Variants in XPNPEP1 observed in about 807,000 individuals in gnomAD.
XPNPEP1 encodes the protein xaa-Pro aminopeptidase 1.
A neutral mutation model predicts 92.4 loss-of-function variants in XPNPEP1; 39 were observed. The ratio of observed to expected loss-of-function variants is 0.42; its 90% CI spans 0.33 to 0.55. The LOEUF (loss-of-function observed/expected upper bound fraction) is 0.55. XPNPEP1 is among the 20% of genes least tolerant of loss of function. XPNPEP1 has a pLI of 0.08. For synonymous variants in XPNPEP1, 307 were observed against 299.4 expected (o/e 1.03, Z -0.26); for missense variants, 654 against 856.1 (o/e 0.76, Z 2.95).
chr10:109,878,167 C>G, intron 12 of XPNPEP1, 109 bp from the exon 13 acceptor site: 1 of 1,211,450 alleles, frequency 8.3e-7, no homozygotes, highest in Middle Eastern at 1.9e-4. Flanking sequence ...TGCTTCATCC[C>G]AACTGACCAA....
rs373635459 is a variant in XPNPEP1, at chr10:109,868,723, A to C, written c.1774-11T>G. The C allele has an allele frequency of 1.4e-5, 22 of 1,610,110 alleles. No homozygotes were observed. The East Asian group carries it at 4.7e-4, about 34-fold the overall frequency. ...GTTATTAAAATTATACTGCGGGAGA[A>C]AGAAGAAAACAGATGCTTTTACTCC... On this transcript the variant is annotated splice_polypyrimidine_tract_variant and intron_variant, in intron 19 of 20. Transcript: ENST00000502935.
intron 14 of XPNPEP1, 93 bp downstream of exon 14, chr10:109,877,697 A>C: frequency 7.0e-7 from 1 of 1,436,706 alleles, no homozygotes; most frequent in Non-Finnish European, 9.8e-7. Context: ...GAAGGTGGGC[A>C]CAGAGGCCTC....
chr10:109,920,839 C>A (rs1198756781), intron 1 of XPNPEP1, among the ~76,000 whole-genome samples: 1 of 152,104 alleles, frequency 6.6e-6, no homozygotes, highest in African/African-American at 2.4e-5. Flanking sequence ...AGCCACCGTG[C>A]CTAGCCAAGG....
chr10:109,910,083 G>C (rs888736673), intron 2 of XPNPEP1, among the ~76,000 whole-genome samples: 2 of 152,158 alleles, frequency 1.3e-5, no homozygotes, highest in Non-Finnish European at 2.9e-5. Context: ...TCACTGCCCT[G>C]AAAATTCTAT....
chr10:109,880,222 G>A lies in XPNPEP1; in HGVS notation c.1148C>T (p.Ala383Val). The A allele has an allele frequency of 6.2e-7, 1 of 1,613,984 alleles. No homozygotes were observed. Among genetic ancestry groups the A allele is most frequent in the South Asian group, 1.1e-5 (1 of 91,084 alleles). Residue 383 changes from alanine (A) to valine (V), a missense_variant, in exon 12 of 21, where the codon GCT (alanine) becomes GTT (valine). Ala to Val is a moderately conservative substitution (Grantham distance 64, BLOSUM62 0). Coordinates refer to ENST00000502935, the MANE Select transcript of XPNPEP1 (RefSeq NM_020383.4). ...CAGCCAGTTAAAGAGTTCACAGAGA[G>A]CAACAGCATCTTTAATCTGTGCAAA... The part of the protein sequence containing the change: ...MRRAHIKDAV[A>V]LCELFNWLEK...
chr10:109,914,733 T>C (rs1589634858), intron 2 of XPNPEP1, among the ~76,000 whole-genome samples: 1 of 147,694 alleles, frequency 6.8e-6, no homozygotes, highest in African/African-American at 2.5e-5. Flanking sequence ...GAGACGGAGG[T>C]TGCAGTGAGC....
intron 1 of XPNPEP1, among the ~76,000 whole-genome samples, chr10:109,920,280 G>T (rs1850467644): frequency 6.6e-6 from 1 of 152,130 alleles, no homozygotes. Flanking sequence ...TGAAGAAAAT[G>T]TTCTAAAATG....
At chr10:109,916,898 G>A (rs1270869403) in intron 1 of XPNPEP1, among the ~76,000 whole-genome samples, 2 of 152,048 alleles carry the variant, frequency 1.3e-5, no homozygotes, top group East Asian at 1.9e-4. Flanking sequence ...CTCAACAAAC[G>A]CAGAAAAAGC....
Position 109,913,038 on chromosome 10 carries a change from T to A in XPNPEP1, c.121+1973A>T, listed in dbSNP as rs115134241. Reference sequence around the variant, plus strand: ...AGAAACAGCCAAGAGCTAAGCAAAGTATGCAGCAAAGTAGGAAGCCAAGAG... The same window carrying A: ...AGAAACAGCCAAGAGCTAAGCAAAGAATGCAGCAAAGTAGGAAGCCAAGAG... On this transcript the variant is annotated intron_variant, in intron 2 of 20. Coordinates refer to ENST00000502935, the MANE Select transcript of XPNPEP1 (RefSeq NM_020383.4). 7.5e-3 allele frequency among the ~76,000 whole-genome samples: 1,141 copies of A among 152,260 alleles called. 17 individuals are homozygous for A. The highest frequency in any genetic ancestry group is 0.026 in the African/African-American group (1,067 of 41,548).
intron 16 of XPNPEP1, among the ~76,000 whole-genome samples, chr10:109,872,386 A>G (rs567349528): frequency 1.8e-4 from 28 of 152,284 alleles, no homozygotes; most frequent in Middle Eastern, 3.4e-3. Flanking sequence ...CCACCATCCT[A>G]TCTTCAGGGG....
chr10:109,884,742 G>A lies in XPNPEP1; in HGVS notation c.749-594C>T, dbSNP rs538709297. 1.8e-4 allele frequency among the ~76,000 whole-genome samples: 27 copies of A among 152,336 alleles called. No individual in the cohort carries two copies. The South Asian group carries it at 5.2e-3, about 29-fold the overall frequency. ...ACCCATGGGTCTGCTCTGGCACCAC[G>A]ACTGGGTGGGGGACCTGCGGACAGC... is the stretch of plus-strand genomic sequence containing the variant. On this transcript the variant is annotated intron_variant, in intron 8 of 20. Transcript: ENST00000502935.
chr10:109,915,228 T>G lies in XPNPEP1; in HGVS notation c.33-129A>C, dbSNP rs1271741160. Reference sequence around the variant, plus strand: ...GTCAGAAGAACTTTCACCCCCATTATCAGTGGCAGAATAAATAAAAGTTTG... The same window carrying G: ...GTCAGAAGAACTTTCACCCCCATTAGCAGTGGCAGAATAAATAAAAGTTTG... On this transcript the variant is annotated intron_variant, in intron 1 of 20. Coordinates refer to ENST00000502935, the MANE Select transcript of XPNPEP1 (RefSeq NM_020383.4). The G allele has an allele frequency of 2.3e-5, 10 of 440,838 alleles. No individual in the cohort carries two copies. In the Admixed American group the frequency reaches 3.4e-4, roughly 15 times the overall value. The allele number at this position is 440,838 out of a possible 1,614,324, so 27.3% of individuals were successfully genotyped here. A position where few individuals can be genotyped will look rare whatever the true frequency, so the allele number is the denominator to read the frequency against.
rs1465236523 is a variant in XPNPEP1, at chr10:109,880,227, A to G, written c.1143T>C (p.Ala381=). The G allele has an allele frequency of 3.1e-6, 5 of 1,614,018 alleles. No homozygotes were observed. Among genetic ancestry groups the G allele is most frequent in the Middle Eastern group, 1.6e-4 (1 of 6,062 alleles). ...AGTTAAAGAGTTCACAGAGAGCAAC[A>G]GCATCTTTAATCTGTGCAAACAATG... ...EGMRRAHIKD[A]VALCELFNWL... Residue 381 remains alanine, a synonymous_variant, in exon 12 of 21, where the codon GCT becomes GCC. Transcript: ENST00000502935.
intron 3 of XPNPEP1, among the ~76,000 whole-genome samples, chr10:109,902,576 C>A (rs539276100): frequency 7.9e-5 from 12 of 152,202 alleles, no homozygotes; most frequent in Non-Finnish European, 1.6e-4. Flanking sequence ...AACACAATTT[C>A]TCCACGTATG....
In XPNPEP1 at chr10:109,878,047, A is replaced by G. The variant is rs750374978; in HGVS notation, c.1194T>C (p.Gly398=). 1.3e-5 allele frequency: 21 copies of G among 1,614,096 alleles called. No homozygotes were observed. The highest frequency in any genetic ancestry group is 4.0e-5 in the African/African-American group (3 of 74,928). ...FNWLEKEVPK[G]GVTEISAADK... is the part of the protein sequence containing the mutation. ...CAGCAGCTGAGATCTCTGTCACACC[A>G]CCTTTGGGAACCTATGAGAAAATTG... Residue 398 remains glycine, a synonymous_variant, in exon 13 of 21, where the codon GGT becomes GGC. Transcript: ENST00000502935.
At chr10:109,870,162 G>A in intron 18 of XPNPEP1, 133 bp from the exon 19 acceptor site, 1 of 979,790 alleles carries the variant, frequency 1.0e-6, no homozygotes. Flanking sequence ...TCTATCTGGT[G>A]TAAGAGCCTA....
chr10:109,869,528 C>G (rs565309291), intron 19 of XPNPEP1, among the ~76,000 whole-genome samples: 21 of 152,252 alleles, frequency 1.4e-4, no homozygotes, highest in African/African-American at 4.1e-4. Flanking sequence ...CCAGGCCCCC[C>G]ACCCTGGAAA....
At chr10:109,908,453 T>G (rs1246239833) in intron 2 of XPNPEP1, among the ~76,000 whole-genome samples, 1 of 151,952 alleles carries the variant, frequency 6.6e-6, no homozygotes, top group Non-Finnish European at 1.5e-5. Flanking sequence ...ATATAAAAAA[T>G]CAGCCAGGTG....
intron 3 of XPNPEP1, among the ~76,000 whole-genome samples, chr10:109,905,275 G>C (rs1264278444): frequency 6.6e-6 from 1 of 151,998 alleles, no homozygotes; most frequent in Admixed American, 6.6e-5. Context: ...CTGCAATCTC[G>C]GCCGGCTCAC....
Sources: gnomAD v4.1 joint callset for allele counts (sites outside exome capture counted in the v4.1 genomes callset) on GRCh38, gnomAD v4.1.1 for gene constraint, MANE v1.5 for transcripts, NCBI Gene and HGNC (gene_info 2026-07-23, HGNC 2026-07-21) for gene names.